RGS16: variants seen among roughly 807,000 people sequenced by gnomAD.
RGS16 encodes hRGS-r.
RGS16 carries 12 observed loss-of-function variants against 18.1 expected under a neutral mutation model. That is an observed-to-expected ratio of 0.66 (90% CI 0.42 to 1.07). RGS16 has a LOEUF of 1.07. Ranked by LOEUF, RGS16 falls within the 50% of genes least tolerant of loss-of-function variation. The pLI, the probability that RGS16 is intolerant of heterozygous loss-of-function variation, is 0.00. For missense variants in RGS16, 238 were observed against 249.2 expected, an observed-to-expected ratio of 0.95 and a Z score of 0.30; for synonymous variants, 88 against 102.0, an observed-to-expected ratio of 0.86 and a Z score of 0.83.
chr1:182,603,866 C>G (rs376021141), intron 1 of RGS16, among the ~76,000 whole-genome samples: 1 of 152,242 alleles, frequency 6.6e-6, no homozygotes, highest in African/African-American at 2.4e-5. Flanking sequence ...GGCAATGCCC[C>G]TAGCTCTGGT....
At position 182,603,161 on chromosome 1, in the gene RGS16, T is replaced by G. The variant is rs1661894710; in HGVS notation, c.155+68A>C. On this transcript the variant is annotated intron_variant, in intron 2 of 4. Coordinates refer to ENST00000367558, the MANE Select transcript of RGS16 (RefSeq NM_002928.4). ...AGCGTGTCCTGGCTTCTCCCTGTATTTCCCTCCTCATGACTCCCTTCCCAC... is the reference window on the plus strand; with the variant it reads ...AGCGTGTCCTGGCTTCTCCCTGTATGTCCCTCCTCATGACTCCCTTCCCAC... 6 of 1,141,012 alleles carry G rather than the reference T, an allele frequency of 5.3e-6. No homozygotes were observed. In the South Asian group the frequency reaches 7.4e-5, roughly 14 times the overall value. 70.7% of individuals were successfully genotyped at this position (1,141,012 alleles called of 1,614,324 possible). A position where few individuals can be genotyped will look rare whatever the true frequency, so the allele number is the denominator to read the frequency against.
In RGS16 at chr1:182,602,436, C is replaced by T. The variant is rs1661881455; in HGVS notation, c.204G>A (p.Leu68=). 5.6e-6 allele frequency: 9 copies of T among 1,613,656 alleles called. No individual in the cohort carries two copies. The highest frequency in any genetic ancestry group is 4.2e-6 in the Non-Finnish European group (5 of 1,179,806). Residue 68 remains leucine, a synonymous_variant, in exon 3 of 5, where the codon CTG becomes CTA. Transcript: ENST00000367558. ...DVLGWRESFD[L]LLSSKNGVAA... ...CCTACTCACTTTTACTGCTCAGCAG[C>T]AGGTCGAACGACTCTCTCCACCCCA... is the stretch of plus-strand genomic sequence containing the variant.
In RGS16 at chr1:182,603,291, C is replaced by G; in HGVS notation, c.93G>C (p.Glu31Asp). The change falls in exon 2 of 5, where the codon GAG (glutamate) becomes GAC (aspartate). Residue 31 changes from glutamate (E) to aspartate (D), a missense_variant. Glu to Asp is a conservative substitution (Grantham distance 45). Coordinates refer to ENST00000367558, the MANE Select transcript of RGS16 (RefSeq NM_002928.4). The stretch of plus-strand genomic sequence containing the variant: ...CAGTACTCCCAGTATCGCAGCCCAG[C>G]TCTGATTTGTGAAGAAAGATCCCCA... The part of the protein sequence containing the change: ...TRLGIFLHKS[E>D]LGCDTGSTGK... The G allele has an allele frequency of 6.2e-7, 1 of 1,614,222 alleles. No individual in the cohort carries two copies. Among genetic ancestry groups the G allele is most frequent in the African/African-American group, 1.3e-5 (1 of 75,052 alleles).
intron 2 of RGS16, among the ~76,000 whole-genome samples, 197 bp from the exon 3 acceptor site, chr1:182,602,681 C>A (rs1661886178): frequency 6.6e-6 from 1 of 152,182 alleles, no homozygotes; most frequent in Admixed American, 6.5e-5. Flanking sequence ...CACAATTCAG[C>A]AACCAGAAAT....
Position 182,599,939 on chromosome 1 carries a change from C to T in RGS16, c.*353G>A, listed in dbSNP as rs974584879. On this transcript the variant is annotated 3_prime_UTR_variant, in exon 5 of 5. Transcript: ENST00000367558. ...TCTCATTTTCATGGTTCCCTTTATC[C>T]ACATGTTTCCTAAACCACACTAGAA... is the stretch of plus-strand genomic sequence containing the variant. 3.8e-5 allele frequency: 10 copies of T among 265,578 alleles called. No individual in the cohort carries two copies. The highest frequency in any genetic ancestry group is 2.2e-5 in the Non-Finnish European group (3 of 138,660). The allele number at this position is 265,578 out of a possible 1,614,324, so 16.5% of individuals were successfully genotyped here. A position where few individuals can be genotyped will look rare whatever the true frequency, so the allele number is the denominator to read the frequency against.
chr1:182,601,492 A>T (rs1450476393), intron 4 of RGS16, among the ~76,000 whole-genome samples: 2 of 152,106 alleles, frequency 1.3e-5, no homozygotes, highest in African/African-American at 4.8e-5. Flanking sequence ...GTAAGGCATT[A>T]CTCTTATCTT....
intron 4 of RGS16, 95 bp from the exon 5 acceptor site, chr1:182,600,608 C>G: frequency 1.0e-6 from 1 of 985,940 alleles, no homozygotes; most frequent in Non-Finnish European, 1.6e-6. Flanking sequence ...GAAAGAGCAT[C>G]GGATGCTGCA....
In RGS16 at chr1:182,600,518, G is replaced by C; in HGVS notation, c.388-5C>G. The C allele has an allele frequency of 6.2e-7, 1 of 1,612,754 alleles. No homozygotes were observed. Among genetic ancestry groups the C allele is most frequent in the East Asian group, 2.2e-5 (1 of 44,862 alleles). On this transcript the variant is annotated splice_polypyrimidine_tract_variant and splice_region_variant and intron_variant, in intron 4 of 4. Coordinates refer to ENST00000367558, the MANE Select transcript of RGS16 (RefSeq NM_002928.4). ...GGTCTCATGGTCAATGTTGACCTGC[G>C]GGAAGGAGGACACACACAGGGTGAG...
In RGS16 at chr1:182,600,256, T is replaced by G; in HGVS notation, c.*36A>C. 3.5e-6 allele frequency: 5 copies of G among 1,446,258 alleles called. No homozygotes were observed. The highest frequency in any genetic ancestry group is 4.6e-6 in the Non-Finnish European group (5 of 1,077,198). 89.6% of individuals were successfully genotyped at this position (1,446,258 alleles called of 1,614,324 possible). On this transcript the variant is annotated 3_prime_UTR_variant, in exon 5 of 5. Transcript: ENST00000367558. Reference sequence around the variant, plus strand: ...CACCTCGGGGATGGGTGACTCAACCTCTCTTCCCGGCTGGCTTCCTCACTG... The same window carrying G: ...CACCTCGGGGATGGGTGACTCAACCGCTCTTCCCGGCTGGCTTCCTCACTG...
chr1:182,602,999 T>G (rs961917333), intron 2 of RGS16, among the ~76,000 whole-genome samples: 2 of 152,216 alleles, frequency 1.3e-5, no homozygotes, highest in Non-Finnish European at 2.9e-5. Flanking sequence ...TAGGCATTCA[T>G]GCCCTGTGTG....
chr1:182,602,224 A>G (rs1352287735), intron 3 of RGS16, 92 bp from the exon 4 acceptor site: 8 of 1,400,554 alleles, frequency 5.7e-6, no homozygotes, highest in Non-Finnish European at 7.0e-6. Context: ...TAATGGCTCT[A>G]TTTTTAGAAC....
Position 182,601,973 on chromosome 1 carries a change from G to A in RGS16, c.380C>T (p.Pro127Leu), listed in dbSNP as rs1359732978. The A allele has an allele frequency of 5.0e-6, 8 of 1,614,052 alleles. No homozygotes were observed. The East Asian group carries it at 1.8e-4, about 36-fold the overall frequency. Residue 127 changes from proline to leucine, a missense_variant, in exon 4 of 5, where the codon CCT (proline) becomes CTT (leucine). Pro to Leu is a moderately conservative substitution (Grantham distance 98). Coordinates refer to ENST00000367558, the MANE Select transcript of RGS16 (RefSeq NM_002928.4). Reference sequence around the variant, plus strand: ...GCATATGGGGGCTCTAACCTCTTTAGGGGCCTCACTGCAAATGAACTCCTC... The same window carrying A: ...GCATATGGGGGCTCTAACCTCTTTAAGGGCCTCACTGCAAATGAACTCCTC... ...IFEEFICSEAPKEVNIDHETH... is the reference protein window; with the variant it reads ...IFEEFICSEALKEVNIDHETH...
In RGS16 at chr1:182,599,668, G is replaced by A. The variant is rs1661826646; in HGVS notation, c.*624C>T. 1 of 154,162 alleles carries A rather than the reference G, an allele frequency of 6.5e-6. No individual in the cohort carries two copies. The highest frequency in any genetic ancestry group is 1.4e-5 in the Non-Finnish European group (1 of 69,198). 9.5% of individuals were successfully genotyped at this position (154,162 alleles called of 1,614,324 possible). On this transcript the variant is annotated 3_prime_UTR_variant, in exon 5 of 5. Coordinates refer to ENST00000367558, the MANE Select transcript of RGS16 (RefSeq NM_002928.4). ...TTTGAGGTATAAATATCTCGCATGG[G>A]GCAAGAGTCACATCAGCTTGCTGGC...
chr1:182,601,929 G>T (rs1661870294), intron 4 of RGS16, 37 bp downstream of exon 4: 1 of 1,611,802 alleles, frequency 6.2e-7, no homozygotes, highest in Admixed American at 1.7e-5. Flanking sequence ...GAGCAGGCAG[G>T]GTCGTGAGGA....
intron 4 of RGS16, 49 bp downstream of exon 4, chr1:182,601,917 A>G (rs1661870114): frequency 6.2e-7 from 1 of 1,605,144 alleles, no homozygotes; most frequent in Non-Finnish European, 8.5e-7. Context: ...TCAGAGGGGA[A>G]GGAGCAGGCA....
Position 182,604,375 on chromosome 1 carries a change from T to A in RGS16, c.-116A>T. The A allele has an allele frequency of 9.7e-7, 1 of 1,036,154 alleles. No individual in the cohort carries two copies. Among genetic ancestry groups the A allele is most frequent in the Non-Finnish European group, 1.4e-6 (1 of 730,686 alleles). 64.2% of individuals were successfully genotyped at this position (1,036,154 alleles called of 1,614,324 possible). ...GGTGCTAGTCAACTGCGGTTGGGTT[T>A]AGCAGCCTGCAAGCGCCCAGACTGA... On this transcript the variant is annotated 5_prime_UTR_variant, in exon 1 of 5. Transcript: ENST00000367558.
rs1661874418 is a variant in RGS16 at position 182,602,082 on chromosome 1, TCTC to T, written c.268_270del (p.Glu90del). 1.9e-6 allele frequency: 3 copies of T among 1,614,012 alleles called. No homozygotes were observed. Among genetic ancestry groups the T allele is most frequent in the Non-Finnish European group, 2.5e-6 (3 of 1,180,022 alleles). ...TCACAGGCCAGCCAGAACTCCAGGT[TCTC>T]CTCACTGAACTCTGTCTTCAGGAAA... On this transcript the variant is annotated inframe_deletion, in exon 4 of 5. Coordinates refer to ENST00000367558, the MANE Select transcript of RGS16 (RefSeq NM_002928.4).
rs1319106306 is a variant in RGS16, at chr1:182,599,563, C to A, written c.*729G>T. 6.5e-6 allele frequency: 1 copy of A among 152,686 alleles called. No individual in the cohort carries two copies. The highest frequency in any genetic ancestry group is 2.4e-5 in the African/African-American group (1 of 41,452). The allele number at this position is 152,686 out of a possible 1,614,324, so 9.5% of individuals were successfully genotyped here. ...GGGTCAGGGGCCACCTGCAGGGGGC[C>A]ACCCAGAGCACTGAGCTGGATTCAA... is the stretch of plus-strand genomic sequence containing the variant. On this transcript the variant is annotated 3_prime_UTR_variant, in exon 5 of 5. Coordinates refer to ENST00000367558, the MANE Select transcript of RGS16 (RefSeq NM_002928.4).
intron 2 of RGS16, 30 bp downstream of exon 2, chr1:182,603,199 C>G (rs372520068): frequency 8.0e-6 from 12 of 1,508,408 alleles, no homozygotes; most frequent in Non-Finnish European, 1.1e-5. Flanking sequence ...CCTTCCCTCT[C>G]GGAGCCCTGA....
Sources: gnomAD v4.1 joint callset for allele counts (sites outside exome capture counted in the v4.1 genomes callset) on GRCh38, gnomAD v4.1.1 for gene constraint, MANE v1.5 for transcripts, NCBI Gene and HGNC (gene_info 2026-07-23, HGNC 2026-07-21) for gene names.